Variants in SERGEF observed in about 807,000 individuals in gnomAD.
The protein encoded by SERGEF is secretion regulating guanine nucleotide exchange factor, also known as secretion-regulating guanine nucleotide exchange factor.
A neutral mutation model predicts 50.0 loss-of-function variants in SERGEF; 51 were observed. That is an observed-to-expected ratio of 1.02 (90% CI 0.81 to 1.29). The LOEUF (loss-of-function observed/expected upper bound fraction) is 1.29, where lower values mean the gene tolerates loss of function less well. SERGEF is among the 50% of genes most tolerant of loss of function. The pLI, the probability that SERGEF is intolerant of heterozygous loss-of-function variation, is 0.00. For synonymous variants in SERGEF, 205 were observed against 212.4 expected (o/e 0.97, Z 0.30); for missense variants, 521 against 557.0 (o/e 0.94, Z 0.65).
intron 10 of SERGEF, among the ~76,000 whole-genome samples, chr11:17,840,346 T>C (rs1454203257): frequency 2.6e-5 from 4 of 152,218 alleles, no homozygotes; most frequent in African/African-American, 9.6e-5. Flanking sequence ...TCTTAAAGCA[T>C]GTATCTATTT....
intron 10 of SERGEF, among the ~76,000 whole-genome samples, chr11:17,799,914 C>A (rs936993233): frequency 2.0e-5 from 3 of 152,176 alleles, no homozygotes; most frequent in Non-Finnish European, 2.9e-5. Context: ...GAGAGCTGAG[C>A]GTCCATCCCA....
intron 8 of SERGEF, among the ~76,000 whole-genome samples, chr11:17,963,388 AAAAAAAAT>A (rs1565216769): frequency 1.3e-5 from 2 of 148,874 alleles, no homozygotes; most frequent in African/African-American, 2.5e-5. Flanking sequence ...AAAAAAAAAA[AAAAAAAAT>A]TTTTTTTTTG....
chr11:17,931,585 A>T (rs1358958880), intron 9 of SERGEF, among the ~76,000 whole-genome samples: 5 of 152,212 alleles, frequency 3.3e-5, no homozygotes, highest in Non-Finnish European at 7.3e-5. Flanking sequence ...CTCAGCCTAA[A>T]GGTCAAGTGG....
intron 10 of SERGEF, among the ~76,000 whole-genome samples, chr11:17,833,067 T>G (rs1850339595): frequency 6.6e-6 from 1 of 152,102 alleles, no homozygotes; most frequent in African/African-American, 2.4e-5. Flanking sequence ...CAAATGTTAA[T>G]CCCCAAGACA....
At chr11:17,988,802 C>CA (rs1245524830) in intron 7 of SERGEF, 47 bp from the exon 8 acceptor site, 2 of 1,552,418 alleles carry the variant, frequency 1.3e-6, no homozygotes, top group Admixed American at 3.6e-5. Context: ...AACATTAGTC[C>CA]AAAATGATGG....
intron 9 of SERGEF, among the ~76,000 whole-genome samples, chr11:17,903,935 A>G (rs961708758): frequency 9.9e-5 from 15 of 152,232 alleles, no homozygotes; most frequent in Non-Finnish European, 1.6e-4. Flanking sequence ...AACTATGAAC[A>G]CTATAATCCC....
chr11:17,900,752 T>A (rs1373223285), intron 9 of SERGEF, among the ~76,000 whole-genome samples: 1 of 152,178 alleles, frequency 6.6e-6, no homozygotes, highest in Non-Finnish European at 1.5e-5. Flanking sequence ...TATTTATGTG[T>A]GTGGAAGCAT....
intron 10 of SERGEF, among the ~76,000 whole-genome samples, chr11:17,848,077 G>C (rs1207625806): frequency 6.6e-6 from 1 of 152,174 alleles, no homozygotes; most frequent in Non-Finnish European, 1.5e-5. Flanking sequence ...ATCATATATT[G>C]AGTGATTATT....
intron 9 of SERGEF, among the ~76,000 whole-genome samples, chr11:17,913,205 T>G (rs1851985930): frequency 6.6e-6 from 1 of 152,242 alleles, no homozygotes; most frequent in African/African-American, 2.4e-5. Context: ...CATAAGCCTG[T>G]ATCAGCAATA....
intron 9 of SERGEF, among the ~76,000 whole-genome samples, chr11:17,956,607 T>C (rs1236095551): frequency 6.6e-6 from 1 of 152,222 alleles, no homozygotes; most frequent in Non-Finnish European, 1.5e-5. Context: ...ACAGTCTAGC[T>C]CTGTCTACCT....
intron 8 of SERGEF, among the ~76,000 whole-genome samples, chr11:17,985,648 T>G (rs116751207): frequency 6.6e-6 from 1 of 152,218 alleles, no homozygotes; most frequent in Non-Finnish European, 1.5e-5. Context: ...ACAGGTTCTC[T>G]TGGACTCTTT....
At chr11:17,958,197 G>A (rs752604229) in intron 9 of SERGEF, among the ~76,000 whole-genome samples, 6 of 152,282 alleles carry the variant, frequency 3.9e-5, no homozygotes, top group East Asian at 1.9e-4. Context: ...CTACATACCC[G>A]GAAGGAGGAG....
At chr11:17,878,957 C>T (rs918162266) in intron 9 of SERGEF, among the ~76,000 whole-genome samples, 4 of 152,184 alleles carry the variant, frequency 2.6e-5, no homozygotes, top group Non-Finnish European at 5.9e-5. Flanking sequence ...CTTAAATGTA[C>T]CCCCACCGTA....
chr11:17,812,291 C>T (rs747867275), intron 10 of SERGEF, among the ~76,000 whole-genome samples: 10 of 152,240 alleles, frequency 6.6e-5, no homozygotes, highest in Non-Finnish European at 1.2e-4. Context: ...TAGGCACAAT[C>T]ACTAAGAAAA....
At chr11:17,994,871 CT>C (rs1373908120) in intron 6 of SERGEF, among the ~76,000 whole-genome samples, 1 of 152,132 alleles carries the variant, frequency 6.6e-6, no homozygotes, top group Non-Finnish European at 1.5e-5. Flanking sequence ...CCACCCTTTC[CT>C]ATTCTTCCCC....
At chr11:17,835,903 A>G (rs1295649082) in intron 10 of SERGEF, among the ~76,000 whole-genome samples, 3 of 152,186 alleles carry the variant, frequency 2.0e-5, no homozygotes, top group Non-Finnish European at 4.4e-5. Context: ...TAGAATTATA[A>G]ATGATAACTG....
intron 10 of SERGEF, among the ~76,000 whole-genome samples, chr11:17,828,162 T>TA (rs1850233366): frequency 1.3e-5 from 2 of 152,230 alleles, no homozygotes; most frequent in Non-Finnish European, 1.5e-5. Flanking sequence ...AACGTGTCTG[T>TA]ATCCTTGAGT....
At chr11:17,839,831 C>T (rs1850468640) in intron 10 of SERGEF, among the ~76,000 whole-genome samples, 1 of 152,164 alleles carries the variant, frequency 6.6e-6, no homozygotes, top group Non-Finnish European at 1.5e-5. Flanking sequence ...GTATTATAAA[C>T]CTAATTTTAT....
At chr11:18,005,521 A>G (rs967634486) in intron 3 of SERGEF, among the ~76,000 whole-genome samples, 1 of 152,208 alleles carries the variant, frequency 6.6e-6, no homozygotes, top group Non-Finnish European at 1.5e-5. Flanking sequence ...CCAACGCTAA[A>G]AAGCTAGGAA....
Sources: allele counts gnomAD v4.1 joint callset (sites outside exome capture counted in the v4.1 genomes callset), GRCh38; gene constraint gnomAD v4.1.1; transcripts MANE v1.5; gene names NCBI Gene and HGNC (gene_info 2026-07-23, HGNC 2026-07-21).